Variants in WIPI1 observed in about 807,000 individuals in gnomAD.
WIPI1 encodes the protein WD repeat domain phosphoinositide-interacting protein 1.
WIPI1 carries 45 observed loss-of-function variants against 55.3 expected under a neutral mutation model. The observed-to-expected ratio is 0.81, with a 90% CI of 0.64 to 1.04. The LOEUF is 1.04. Among genes scored for constraint, WIPI1 ranks in the 50% least tolerant of loss-of-function variants. The pLI, the probability that WIPI1 is intolerant of heterozygous loss-of-function variation, is 0.00. For missense variants in WIPI1, 445 were observed against 559.0 expected, an observed-to-expected ratio of 0.80 and a Z score of 2.06; for synonymous variants, 195 against 217.6, an observed-to-expected ratio of 0.90 and a Z score of 0.92.
chr17:68,422,407 C>T (rs12947036), intron 12 of WIPI1: 32,240 of 140,052 alleles, frequency 0.23, 3,707 homozygotes, highest in Middle Eastern at 0.39. Context: ...CCAGCCTGGG[C>T]GATGGAGCAA....
Position 68,426,336 on chromosome 17 carries a change from A to G in WIPI1, c.1193-161T>C, listed in dbSNP as rs557376441. Among the ~76,000 whole-genome samples the G allele has an allele frequency of 6.8e-4, 103 of 151,666 alleles. 2 individuals are homozygous for G. Among genetic ancestry groups the G allele is most frequent in the Middle Eastern group, 3.4e-3 (1 of 292 alleles). On this transcript the variant is annotated intron_variant, in intron 11 of 12. Coordinates refer to ENST00000262139, the MANE Select transcript of WIPI1 (RefSeq NM_017983.7). ...GTGCCTAGGACAAGTCATAATCCTC[A>G]CCATCTGCCATCTTTAAGCCTGACC... is the stretch of plus-strand genomic sequence containing the variant.
intron 8 of WIPI1, among the ~76,000 whole-genome samples, chr17:68,430,807 GGT>G (rs949407592): frequency 2.0e-5 from 3 of 152,190 alleles, no homozygotes; most frequent in Non-Finnish European, 2.9e-5. Flanking sequence ...CCACACAGAG[GGT>G]GGCACATTGA....
At chr17:68,444,427 A>G in intron 4 of WIPI1, 66 bp downstream of exon 4, 1 of 1,460,804 alleles carries the variant, frequency 6.8e-7, no homozygotes, top group Non-Finnish European at 9.5e-7. Context: ...GGAGGAAAAT[A>G]AAGCTTGGGA....
At chr17:68,436,117 A>AT (rs2083773361) in intron 5 of WIPI1, among the ~76,000 whole-genome samples, 1 of 152,242 alleles carries the variant, frequency 6.6e-6, no homozygotes, top group African/African-American at 2.4e-5. Context: ...AGGGTGACAC[A>AT]TTCAGGGAGA....
chr17:68,437,032 GTGTGTATA>G (rs1330907905), intron 4 of WIPI1, among the ~76,000 whole-genome samples: 1 of 150,772 alleles, frequency 6.6e-6, no homozygotes, highest in African/African-American at 2.4e-5. Context: ...GTGTGTGTGT[GTGTGTATA>G]TATTGCTCAT....
At chr17:68,450,554 C>A (rs28691207) in intron 3 of WIPI1, among the ~76,000 whole-genome samples, 174 bp downstream of exon 3, 1,614 of 152,328 alleles carry the variant, frequency 0.011, 25 homozygotes, top group African/African-American at 0.037. Flanking sequence ...ACGTTACAAC[C>A]AGCACCTGGA....
At chr17:68,421,841 T>C (rs376571711) in intron 12 of WIPI1, 21 bp from the exon 13 acceptor site, 6 of 1,614,030 alleles carry the variant, frequency 3.7e-6, no homozygotes, top group Middle Eastern at 1.6e-4. Context: ...CAAAACAGAA[T>C]GGCCTTACTC....
intron 3 of WIPI1, among the ~76,000 whole-genome samples, chr17:68,448,813 T>A (rs2147978395): frequency 6.6e-6 from 1 of 152,356 alleles, no homozygotes; most frequent in African/African-American, 2.4e-5. Flanking sequence ...CAGATTTCAG[T>A]GAAAACACCT....
At chr17:68,441,696 C>T (rs1329455950) in intron 4 of WIPI1, among the ~76,000 whole-genome samples, 2 of 152,166 alleles carry the variant, frequency 1.3e-5, no homozygotes, top group African/African-American at 4.8e-5. Flanking sequence ...ACAGGGCGGA[C>T]CCACCTTTGC....
chr17:68,435,068 G>C (rs1018851193), intron 6 of WIPI1, among the ~76,000 whole-genome samples: 1 of 152,110 alleles, frequency 6.6e-6, no homozygotes, highest in South Asian at 2.1e-4. Context: ...TTAGCCAGGC[G>C]TGGCAGCATG....
At position 68,423,023 on chromosome 17, in the gene WIPI1, T is replaced by C. The variant is rs2082910122; in HGVS notation, c.1294-1203A>G. Among the ~76,000 whole-genome samples, 1 of 152,178 alleles carries C rather than the reference T, an allele frequency of 6.6e-6. No homozygotes were observed. The highest frequency in any genetic ancestry group is 2.4e-5 in the African/African-American group (1 of 41,442). On this transcript the variant is annotated intron_variant, in intron 12 of 12. Coordinates refer to ENST00000262139, the MANE Select transcript of WIPI1 (RefSeq NM_017983.7). This position sits in a 1 kb window ranked among gnomAD's most constrained non-coding sequence, Gnocchi z 4.4. The stretch of plus-strand genomic sequence containing the variant: ...GTATGTGTTCTGAAAAGATCACTAG[T>C]GATGACCCGCGTTCTTAAGGCAGCG...
intron 10 of WIPI1, chr17:68,428,202 A>G (rs2083329037): frequency 1.3e-5 from 2 of 148,402 alleles, no homozygotes. Flanking sequence ...CTGGTAGAGC[A>G]CTTTTCAATT....
At chr17:68,424,411 GC>G (rs749867708) in intron 12 of WIPI1, 10 of 533,578 alleles carry the variant, frequency 1.9e-5, no homozygotes, top group Non-Finnish European at 1.5e-5. Flanking sequence ...CCACGGATCT[GC>G]GGGAGAAAGA....
chr17:68,452,205 A>C (rs1017770624), intron 2 of WIPI1, among the ~76,000 whole-genome samples: 1 of 152,234 alleles, frequency 6.6e-6, no homozygotes, highest in Non-Finnish European at 1.5e-5. Flanking sequence ...TGCCTTCTTC[A>C]AACAAATACT....
rs528977365 is a variant in WIPI1, at chr17:68,454,542, T to G, written c.81-1550A>C. On this transcript the variant is annotated intron_variant, in intron 1 of 12. Coordinates refer to ENST00000262139, the MANE Select transcript of WIPI1 (RefSeq NM_017983.7). ...CCTCCAACCTGCTAAGTAGCTAAAC[T>G]GGTGGGTTAGACATTTGCAGCTGTG... Among the ~76,000 whole-genome samples the G allele has an allele frequency of 2.0e-5, 3 of 152,328 alleles. No homozygotes were observed. In the South Asian group the frequency reaches 6.2e-4, roughly 32 times the overall value.
chr17:68,452,780 A>T, intron 2 of WIPI1, 130 bp downstream of exon 2: 1 of 698,176 alleles, frequency 1.4e-6, no homozygotes. Context: ...TAAATCTAAA[A>T]ATCTTGACTC....
Position 68,428,856 on chromosome 17 carries a change from C to T in WIPI1, c.1046G>A (p.Gly349Glu), listed in dbSNP as rs771532378. 2 of 1,613,982 alleles carry T rather than the reference C, an allele frequency of 1.2e-6. No individual in the cohort carries two copies. The highest frequency in any genetic ancestry group is 2.7e-5 in the African/African-American group (2 of 74,926). The stretch of plus-strand genomic sequence containing the variant: ...GTGGGTTTTGATTAAGACACACTCT[C>T]CTCCATCCTGAGGATCCAAATTGTA... ...YMYNLDPQDG[G>E]ECVLIKTHSL... is the part of the protein sequence containing the mutation. Residue 349 changes from glycine (G) to glutamate (E), a missense_variant, in exon 10 of 13, where the codon GGA becomes GAA. Gly to Glu is a moderately conservative substitution (Grantham distance 98). Coordinates refer to ENST00000262139, the MANE Select transcript of WIPI1 (RefSeq NM_017983.7).
rs1197942245 is a variant in WIPI1 at position 68,457,358 on chromosome 17, A to T, written c.64T>A (p.Phe22Ile). The stretch of plus-strand genomic sequence containing the variant: ...GCAGCTTACGTGCAGTCCTGGTTGA[A>T]AGAGAAGCAGCTGAGCGCCGACTCA... The part of the protein sequence containing the change: ...GVESALSCFS[F>I]NQDCTSLATG... Residue 22 changes from phenylalanine to isoleucine, a missense_variant, in exon 1 of 13, where the codon TTC (phenylalanine) becomes ATC (isoleucine). Transcript: ENST00000262139. 1 of 1,544,640 alleles carries T rather than the reference A, an allele frequency of 6.5e-7. No individual in the cohort carries two copies. The highest frequency in any genetic ancestry group is 8.7e-7 in the Non-Finnish European group (1 of 1,145,540).
intron 12 of WIPI1, among the ~76,000 whole-genome samples, chr17:68,424,085 G>A (rs2082985205): frequency 6.6e-6 from 1 of 152,094 alleles, no homozygotes; most frequent in African/African-American, 2.4e-5. Context: ...GCAGAAGAAC[G>A]CCCTTTAAGG....
Sources: gnomAD v4.1 joint callset for allele counts (sites outside exome capture counted in the v4.1 genomes callset) on GRCh38, gnomAD v4.1.1 for gene constraint, Gnocchi (gnomAD v3.1) non-coding constraint, MANE v1.5 for transcripts, NCBI Gene and HGNC (gene_info 2026-07-23, HGNC 2026-07-21) for gene names.